ERC1: variants seen among roughly 807,000 people sequenced by gnomAD.
The protein encoded by ERC1 is ELKS/RAB6-interacting/CAST family member 1.
In ERC1, 56 loss-of-function variants were observed where a neutral mutation model predicts 132.0. The observed-to-expected ratio is 0.42, with a 90% CI of 0.34 to 0.53. The LOEUF (loss-of-function observed/expected upper bound fraction) is 0.53, where lower values mean the gene tolerates loss of function less well. Among genes scored for constraint, ERC1 ranks in the 20% least tolerant of loss-of-function variants. The probability of loss-of-function intolerance (pLI) is 0.03; values close to 1 mark genes in which losing one functional copy is unlikely to be tolerated. For synonymous variants in ERC1, 478 were observed against 476.1 expected (o/e 1.00, Z -0.05); for missense variants, 1,202 against 1,349.9 (o/e 0.89, Z 1.72).
intron 18 of ERC1, among the ~76,000 whole-genome samples, chr12:1,476,969 T>C (rs1413760212): frequency 6.6e-6 from 1 of 152,226 alleles, no homozygotes; most frequent in Non-Finnish European, 1.5e-5. Flanking sequence ...TGTTTAATTA[T>C]TGGGTGAAAA....
chr12:1,364,083 C>A (rs887315898), intron 15 of ERC1, among the ~76,000 whole-genome samples: 7 of 152,168 alleles, frequency 4.6e-5, no homozygotes, highest in African/African-American at 1.7e-4. Flanking sequence ...AGCATTTAAG[C>A]GTAAATGTGA....
At chr12:1,420,984 AT>A (rs1274349525) in intron 17 of ERC1, among the ~76,000 whole-genome samples, 1 of 128,500 alleles carries the variant, frequency 7.8e-6, no homozygotes, top group East Asian at 2.2e-4. Flanking sequence ...CTTTATTATT[AT>A]TTTTAAATTG....
intron 2 of ERC1, among the ~76,000 whole-genome samples, chr12:1,063,243 C>CATGTATGTATGT (rs112718723): frequency 1.3e-5 from 2 of 149,576 alleles, no homozygotes; most frequent in Non-Finnish European, 3.0e-5. Context: ...TGATTTTTTG[C>CATGTATGTATGT]ATGTATGTAT....
intron 10 of ERC1, among the ~76,000 whole-genome samples, chr12:1,182,647 A>G (rs938304681): frequency 1.3e-5 from 2 of 148,780 alleles, no homozygotes. Context: ...TTCTTTTAAT[A>G]GGGAAAAATG....
intron 8 of ERC1, among the ~76,000 whole-genome samples, chr12:1,142,573 C>CTG (rs1949954191): frequency 6.6e-6 from 1 of 152,160 alleles, no homozygotes; most frequent in Non-Finnish European, 1.5e-5. Flanking sequence ...CTTAAAGAGA[C>CTG]TGTACCAAGT....
intron 14 of ERC1, among the ~76,000 whole-genome samples, chr12:1,265,484 C>T (rs145483131): frequency 2.0e-5 from 3 of 152,292 alleles, no homozygotes; most frequent in South Asian, 4.1e-4. Flanking sequence ...CTTCCATTTA[C>T]GCCTTTCTCT....
chr12:1,044,900 A>G (rs969053163), intron 2 of ERC1, among the ~76,000 whole-genome samples: 1 of 152,116 alleles, frequency 6.6e-6, no homozygotes, highest in South Asian at 2.1e-4. Flanking sequence ...TTTTATTTCC[A>G]CAATGACTCA....
At chr12:1,180,731 A>G (rs773888553) in intron 9 of ERC1, 54 bp downstream of exon 9, 83 of 1,602,472 alleles carry the variant, frequency 5.2e-5, no homozygotes, top group Non-Finnish European at 6.7e-5. Flanking sequence ...TCATTAATCT[A>G]AGACTGGATA....
At chr12:1,351,334 G>A (rs2154366637) in intron 15 of ERC1, among the ~76,000 whole-genome samples, 1 of 152,328 alleles carries the variant, frequency 6.6e-6, no homozygotes, top group East Asian at 1.9e-4. Context: ...ATACTAAGGA[G>A]TGCGATGGCC....
chr12:1,412,295 A>G (rs12296708), intron 17 of ERC1, among the ~76,000 whole-genome samples: 9,484 of 152,280 alleles, frequency 0.062, 472 homozygotes, highest in African/African-American at 0.12. Flanking sequence ...TCAAACTTAA[A>G]AACGTGTGTT....
chr12:1,179,593 C>A (rs923838892), intron 8 of ERC1, among the ~76,000 whole-genome samples: 1 of 149,672 alleles, frequency 6.7e-6, no homozygotes, highest in Non-Finnish European at 1.5e-5. Flanking sequence ...CTGCAGGCTC[C>A]GCCTCCCGGG....
At chr12:1,311,689 C>T (rs1267687315) in intron 15 of ERC1, among the ~76,000 whole-genome samples, 1 of 152,112 alleles carries the variant, frequency 6.6e-6, no homozygotes, top group Non-Finnish European at 1.5e-5. Context: ...TGGTACCGAT[C>T]CAGTTGGCAT....
chr12:1,493,107 CA>C lies in ERC1; in HGVS notation c.*2878del, dbSNP rs1414768504. ...ACGGGGTTTTGTAACTGAAGAAGCC[CA>C]GTGTGAGCTTCTCATCTTTTCATAT... On this transcript the variant is annotated 3_prime_UTR_variant, in exon 19 of 19. Coordinates refer to ENST00000360905, the MANE Select transcript of ERC1 (RefSeq NM_178040.4). 1 of 218,354 alleles carries C rather than the reference CA, an allele frequency of 4.6e-6. No individual in the cohort carries two copies. Among genetic ancestry groups the C allele is most frequent in the Non-Finnish European group, 9.2e-6 (1 of 108,638 alleles). The allele number at this position is 218,354 out of a possible 1,614,324, so 13.5% of individuals were successfully genotyped here. A position where few individuals can be genotyped will look rare whatever the true frequency, so the allele number is the denominator to read the frequency against.
chr12:1,383,791 G>C (rs1486736238), intron 16 of ERC1, among the ~76,000 whole-genome samples: 1 of 152,242 alleles, frequency 6.6e-6, no homozygotes, highest in Non-Finnish European at 1.5e-5. Flanking sequence ...CTGGAAAACA[G>C]TATTCACGCC....
chr12:1,471,914 T>A (rs2093870110), intron 18 of ERC1, among the ~76,000 whole-genome samples: 1 of 152,192 alleles, frequency 6.6e-6, no homozygotes, highest in African/African-American at 2.4e-5. Flanking sequence ...AGATACATAT[T>A]AAGTTTTCCT....
intron 15 of ERC1, among the ~76,000 whole-genome samples, chr12:1,315,247 C>T (rs751170618): frequency 1.2e-4 from 19 of 152,132 alleles, no homozygotes; most frequent in Non-Finnish European, 2.2e-4. Flanking sequence ...GAACTCCTGA[C>T]GTCAGGTGAT....
At chr12:1,129,978 G>A (rs1051803772) in intron 7 of ERC1, among the ~76,000 whole-genome samples, 1 of 152,180 alleles carries the variant, frequency 6.6e-6, no homozygotes, top group African/African-American at 2.4e-5. Context: ...TTCAGTAAAG[G>A]TGAGGAATTT....
At chr12:1,151,698 T>C (rs1195688391) in intron 8 of ERC1, 1 of 152,146 alleles carries the variant, frequency 6.6e-6, no homozygotes, top group African/African-American at 2.4e-5. Context: ...ACCATGTTTC[T>C]ACCTAACGCT....
intron 18 of ERC1, among the ~76,000 whole-genome samples, chr12:1,474,139 A>G (rs568379437): frequency 6.6e-6 from 1 of 152,154 alleles, no homozygotes; most frequent in Non-Finnish European, 1.5e-5. Flanking sequence ...CACCATTTCC[A>G]CTTGATCTGT....
Sources: allele counts gnomAD v4.1 joint callset (sites outside exome capture counted in the v4.1 genomes callset), GRCh38; gene constraint gnomAD v4.1.1; transcripts MANE v1.5; gene names NCBI Gene and HGNC (gene_info 2026-07-23, HGNC 2026-07-21).